Variants in FBXL4 observed in about 807,000 individuals in gnomAD.
The protein encoded by FBXL4 is F-box/LRR-repeat protein 4.
FBXL4 carries 40 observed loss-of-function variants against 58.9 expected under a neutral mutation model. The observed-to-expected ratio is 0.68, with a 90% CI of 0.53 to 0.88. The LOEUF is 0.88. FBXL4 is among the 40% of genes least tolerant of loss of function. The pLI, the probability that FBXL4 is intolerant of heterozygous loss-of-function variation, is 0.00. For synonymous variants in FBXL4, 263 were observed against 265.5 expected, an observed-to-expected ratio of 0.99 and a Z score of 0.09; for missense variants, 676 against 734.4, an observed-to-expected ratio of 0.92 and a Z score of 0.92.
chr6:98,925,849 A>C (rs1772756484), intron 4 of FBXL4, among the ~76,000 whole-genome samples: 1 of 152,184 alleles, frequency 6.6e-6, no homozygotes, highest in Non-Finnish European at 1.5e-5. Context: ...TCGAGGGAGG[A>C]ATGGGTCCTA....
intron 7 of FBXL4, among the ~76,000 whole-genome samples, chr6:98,891,097 A>G (rs552850312): frequency 6.6e-6 from 1 of 152,342 alleles, no homozygotes; most frequent in South Asian, 2.1e-4. Flanking sequence ...TCAAATACAC[A>G]ATATGGTATA....
chr6:98,942,291 C>T (rs1039468153), intron 1 of FBXL4, among the ~76,000 whole-genome samples: 1 of 151,546 alleles, frequency 6.6e-6, no homozygotes, highest in Admixed American at 6.6e-5. Context: ...CTAAGTGATA[C>T]GATACTAGCA....
chr6:98,946,971 T>C (rs568325972), intron 1 of FBXL4, among the ~76,000 whole-genome samples: 51 of 151,360 alleles, frequency 3.4e-4, no homozygotes, highest in Non-Finnish European at 6.0e-4. Flanking sequence ...AACCAAGGAG[T>C]GCACGCAAGA....
intron 7 of FBXL4, among the ~76,000 whole-genome samples, chr6:98,884,611 T>C (rs1199306047): frequency 6.6e-6 from 1 of 152,206 alleles, no homozygotes; most frequent in Non-Finnish European, 1.5e-5. Flanking sequence ...CTTTTGTCTC[T>C]GATAGCTCTT....
In FBXL4 at chr6:98,926,662, A is replaced by T; in HGVS notation, c.327T>A (p.Ser109Arg). Residue 109 changes from serine (S) to arginine (R), a missense_variant, in exon 4 of 10, where the codon AGT (serine) becomes AGA (arginine). By Grantham distance (110) the Ser-to-Arg change is moderately radical. Coordinates refer to ENST00000369244, the MANE Select transcript of FBXL4 (RefSeq NM_001278716.2). ...GCGTCCTCTTGAATGGCAAGGAAGCACTAGGACACTGATCCCACCATGTCC... is the reference window on the plus strand; with the variant it reads ...GCGTCCTCTTGAATGGCAAGGAAGCTCTAGGACACTGATCCCACCATGTCC... Reference protein sequence around the residue: ...TYGTWWDQCPSASLPFKRTPP... With the variant: ...TYGTWWDQCPRASLPFKRTPP... 1 of 1,614,200 alleles carries T rather than the reference A, an allele frequency of 6.2e-7. No individual in the cohort carries two copies. Among genetic ancestry groups the T allele is most frequent in the Non-Finnish European group, 8.5e-7 (1 of 1,180,026 alleles).
chr6:98,932,560 T>C (rs1292067541), intron 2 of FBXL4, among the ~76,000 whole-genome samples: 1 of 151,854 alleles, frequency 6.6e-6, no homozygotes, highest in Non-Finnish European at 1.5e-5. Flanking sequence ...TGAAGTGAGA[T>C]GGGGAATCGA....
intron 6 of FBXL4, among the ~76,000 whole-genome samples, chr6:98,899,927 T>C (rs1320045976): frequency 6.6e-6 from 1 of 152,178 alleles, no homozygotes; most frequent in Non-Finnish European, 1.5e-5. Context: ...TAACAACTTA[T>C]TTAAATAACC....
At chr6:98,903,389 A>G (rs1392935902) in intron 6 of FBXL4, among the ~76,000 whole-genome samples, 13 of 152,096 alleles carry the variant, frequency 8.5e-5, no homozygotes, top group Admixed American at 8.5e-4. Context: ...TCTTTTCTTA[A>G]TGGGAATAGT....
chr6:98,901,374 C>T (rs560484836), intron 6 of FBXL4, among the ~76,000 whole-genome samples: 5 of 151,886 alleles, frequency 3.3e-5, no homozygotes, highest in South Asian at 2.1e-4. Context: ...ATGCAGGAGG[C>T]GCAAAATGAT....
At chr6:98,882,641 T>C (rs1455540195) in intron 7 of FBXL4, among the ~76,000 whole-genome samples, 1 of 151,928 alleles carries the variant, frequency 6.6e-6, no homozygotes, top group African/African-American at 2.4e-5. Context: ...AACTCAATAT[T>C]TTGTTTACCT....
In FBXL4 at chr6:98,873,290, T is replaced by C. The variant is rs1409824570; in HGVS notation, c.*988A>G. On this transcript the variant is annotated 3_prime_UTR_variant, in exon 10 of 10. Coordinates refer to ENST00000369244, the MANE Select transcript of FBXL4 (RefSeq NM_001278716.2). ...ATGTAATATATAATTATATAATATATAATATATACATGTATATATTAAAAA... is the reference window on the plus strand; with the variant it reads ...ATGTAATATATAATTATATAATATACAATATATACATGTATATATTAAAAA... The C allele has an allele frequency of 1.4e-5, 2 of 147,546 alleles. No homozygotes were observed. The highest frequency in any genetic ancestry group is 3.0e-5 in the Non-Finnish European group (2 of 67,118). 9.1% of individuals were successfully genotyped at this position (147,546 alleles called of 1,614,324 possible). A position where few individuals can be genotyped will look rare whatever the true frequency, so the allele number is the denominator to read the frequency against.
chr6:98,887,734 T>C (rs374822449), intron 7 of FBXL4, among the ~76,000 whole-genome samples: 5 of 152,306 alleles, frequency 3.3e-5, no homozygotes, highest in African/African-American at 1.2e-4. Flanking sequence ...ACCAAGATAT[T>C]GCGAGATGGA....
At chr6:98,929,528 G>A (rs1772925653) in intron 2 of FBXL4, among the ~76,000 whole-genome samples, 1 of 148,314 alleles carries the variant, frequency 6.7e-6, no homozygotes, top group Admixed American at 6.8e-5. Flanking sequence ...CCAAGATCAT[G>A]CCATTGCACT....
intron 5 of FBXL4, among the ~76,000 whole-genome samples, chr6:98,911,619 T>C (rs192626502): frequency 8.7e-4 from 133 of 152,214 alleles, no homozygotes; most frequent in African/African-American, 3.1e-3. Context: ...CAGCTGAGGG[T>C]CCTGTCTGTT....
In FBXL4 at chr6:98,872,916, G is replaced by T. The variant is rs192267297; in HGVS notation, c.*1362C>A. On this transcript the variant is annotated 3_prime_UTR_variant, in exon 10 of 10. Coordinates refer to ENST00000369244, the MANE Select transcript of FBXL4 (RefSeq NM_001278716.2). ...GGCATTTATCTTACAGGGTTGTTGT[G>T]AGAATTGAATTAGTCAATGCAAAGC... is the stretch of plus-strand genomic sequence containing the variant. 1 of 152,234 alleles carries T rather than the reference G, an allele frequency of 6.6e-6. No individual in the cohort carries two copies. The highest frequency in any genetic ancestry group is 1.9e-4 in the East Asian group (1 of 5,184). 9.4% of individuals were successfully genotyped at this position (152,234 alleles called of 1,614,324 possible).
intron 6 of FBXL4, among the ~76,000 whole-genome samples, chr6:98,902,880 C>T (rs1434776605): frequency 6.6e-6 from 1 of 152,188 alleles, no homozygotes; most frequent in African/African-American, 2.4e-5. Flanking sequence ...TAATAAATCA[C>T]AAATCTGTAG....
intron 1 of FBXL4, among the ~76,000 whole-genome samples, chr6:98,943,551 G>A (rs1002612244): frequency 7.7e-6 from 1 of 129,166 alleles, no homozygotes; most frequent in African/African-American, 3.0e-5. Flanking sequence ...CTGCACTCCA[G>A]CATGGGTGAC....
intron 5 of FBXL4, among the ~76,000 whole-genome samples, chr6:98,914,567 C>A (rs1325220563): frequency 1.3e-5 from 2 of 150,522 alleles, no homozygotes; most frequent in Non-Finnish European, 3.0e-5. Flanking sequence ...AAGACAAAAA[C>A]CACATGATTA....
intron 7 of FBXL4, among the ~76,000 whole-genome samples, chr6:98,894,069 GT>G (rs751756682): frequency 6.6e-6 from 1 of 152,076 alleles, no homozygotes; most frequent in African/African-American, 2.4e-5. Flanking sequence ...GTCTTGCTAT[GT>G]TGCTTAGGCT....
Sources: allele counts gnomAD v4.1 joint callset (sites outside exome capture counted in the v4.1 genomes callset), GRCh38; gene constraint gnomAD v4.1.1; transcripts MANE v1.5; gene names NCBI Gene and HGNC (gene_info 2026-07-23, HGNC 2026-07-21).